Variants in ATP1A3 observed in about 807,000 individuals in gnomAD.
The protein encoded by ATP1A3 is sodium/potassium-transporting ATPase subunit alpha-3.
Under a neutral mutation model 108.8 loss-of-function variants are expected in ATP1A3, and 12 were observed. That is an observed-to-expected ratio of 0.11 (90% CI 0.07 to 0.18). ATP1A3 has a LOEUF of 0.18. Ranked by LOEUF, ATP1A3 falls within the 10% of genes least tolerant of loss-of-function variation. The pLI is 1.00. For missense variants in ATP1A3, 498 were observed against 1,387.7 expected, an observed-to-expected ratio of 0.36 and a Z score of 10.19; for synonymous variants, 539 against 564.5, an observed-to-expected ratio of 0.95 and a Z score of 0.64.
intron 1 of ATP1A3, chr19:41,993,210 G>A: frequency 3.3e-6 from 1 of 305,708 alleles, no homozygotes; most frequent in Non-Finnish European, 6.7e-6. Context: ...AGACACACAG[G>A]GAGGAATCCA....
chr19:41,985,291 C>A lies in ATP1A3; in HGVS notation c.724+15G>T. ...TGTCTGCCCCAGCTGTGTGTCTTCT[C>A]TGCACCCGCCTCACCTTCCACACAG... On this transcript the variant is annotated intron_variant, in intron 7 of 22. Transcript: ENST00000648268. The surrounding 1 kb of genome is among the most constrained non-coding windows in gnomAD (Gnocchi z 8.2). 2 of 1,614,054 alleles carry A rather than the reference C, an allele frequency of 1.2e-6. No homozygotes were observed. The highest frequency in any genetic ancestry group is 1.1e-5 in the South Asian group (1 of 91,082).
chr19:41,990,650 C>T (rs2075328693), intron 1 of ATP1A3, among the ~76,000 whole-genome samples: 1 of 134,330 alleles, frequency 7.4e-6, no homozygotes, highest in African/African-American at 2.9e-5. Context: ...CTCAATCTCT[C>T]TCTCTCTTTC....
rs1447166933 is a variant in ATP1A3, at chr19:41,967,874, CACAGAG to C, written c.2820-117_2820-112del. 1.6e-5 allele frequency: 14 copies of C among 898,330 alleles called. No individual in the cohort carries two copies. Among genetic ancestry groups the C allele is most frequent in the Middle Eastern group, 2.2e-4 (1 of 4,604 alleles). The allele number at this position is 898,330 out of a possible 1,614,324, so 55.6% of individuals were successfully genotyped here. Reference sequence around the variant, plus strand: ...AGACACCCAGAGACAGCAGCACAGACACAGAGACAGAGAGGCAGAGACATAGGGAGA... The same window carrying C: ...AGACACCCAGAGACAGCAGCACAGACACAGAGAGGCAGAGACATAGGGAGA... On this transcript the variant is annotated intron_variant, in intron 20 of 22. Coordinates refer to ENST00000648268, the MANE Select transcript of ATP1A3 (RefSeq NM_152296.5). The surrounding 1 kb of genome is among the most constrained non-coding windows in gnomAD (Gnocchi z 4.2).
intron 1 of ATP1A3, chr19:41,993,162 C>T: frequency 3.2e-6 from 1 of 313,246 alleles, no homozygotes; most frequent in South Asian, 4.0e-5. Context: ...CCACCCACCC[C>T]CTCCTCTCCT....
chr19:41,982,175 A>G, intron 8 of ATP1A3, 69 bp from the exon 9 acceptor site: 1 of 1,611,796 alleles, frequency 6.2e-7, no homozygotes. Flanking sequence ...GAGCGACACG[A>G]GGGCCACAGC....
Position 41,966,687 on chromosome 19 carries a change from G to A in ATP1A3, c.*250C>T, listed in dbSNP as rs782747281. ...AGAGCCCAGGGAGGTGGCTGGGGCG[G>A]GAGGAATGGATAGAGGGGTGAGGAG... On this transcript the variant is annotated 3_prime_UTR_variant, in exon 23 of 23. Coordinates refer to ENST00000648268, the MANE Select transcript of ATP1A3 (RefSeq NM_152296.5). The A allele has an allele frequency of 1.2e-5, 18 of 1,535,966 alleles. No individual in the cohort carries two copies. In the African/African-American group the frequency reaches 1.8e-4, roughly 15 times the overall value.
chr19:41,986,318 T>G, intron 4 of ATP1A3, 89 bp from the exon 5 acceptor site: 1 of 1,290,594 alleles, frequency 7.7e-7, no homozygotes, highest in Admixed American at 1.9e-5. Flanking sequence ...AAGGGAGCTT[T>G]GTGTCAGTGG....
Position 41,988,208 on chromosome 19 carries a change from C to T in ATP1A3, c.154-69G>A. The T allele has an allele frequency of 1.2e-6, 2 of 1,612,528 alleles. No homozygotes were observed. The highest frequency in any genetic ancestry group is 1.1e-5 in the South Asian group (1 of 91,056). On this transcript the variant is annotated intron_variant, in intron 3 of 22. Coordinates refer to ENST00000648268, the MANE Select transcript of ATP1A3 (RefSeq NM_152296.5). This position sits in a 1 kb window ranked among gnomAD's most constrained non-coding sequence, Gnocchi z 5.3. ...TGGCACCCCAGGCCTTCACCAGACCCCCAGAACTTAAGACACCAGCCACAG... is the reference window on the plus strand; with the variant it reads ...TGGCACCCCAGGCCTTCACCAGACCTCCAGAACTTAAGACACCAGCCACAG...
chr19:41,976,940 G>A (rs1418057158), intron 14 of ATP1A3, among the ~76,000 whole-genome samples: 6 of 151,826 alleles, frequency 4.0e-5, no homozygotes, highest in African/African-American at 1.5e-4. Flanking sequence ...TAGTAGATAG[G>A]ATTACAGGTG....
intron 4 of ATP1A3, 146 bp downstream of exon 4, chr19:41,987,790 G>A: frequency 1.8e-6 from 2 of 1,112,414 alleles, no homozygotes; most frequent in Non-Finnish European, 2.6e-6. Context: ...TATTTGATCT[G>A]GTTCTCTTGC....
chr19:41,978,244 G>C lies in ATP1A3; in HGVS notation c.1713C>G (p.Asp571Glu). ...FDCDDVNFTTDNLCFVGLMSM... is the reference protein window; with the variant it reads ...FDCDDVNFTTENLCFVGLMSM... Reference sequence around the variant, plus strand: ...ACATGAGGCCCACAAAGCAGAGGTTGTCCGTGGTGAAGTTCACGTCATCAC... The same window carrying C: ...ACATGAGGCCCACAAAGCAGAGGTTCTCCGTGGTGAAGTTCACGTCATCAC... Residue 571 changes from aspartate to glutamate, a missense_variant, in exon 13 of 23, where the codon GAC (aspartate) becomes GAG (glutamate). Asp to Glu is a conservative substitution (Grantham distance 45). Around this residue, in one of 9 missense-constraint regions of ATP1A3, gnomAD observed 92 missense variants for 168.7 expected, o/e 0.55. Coordinates refer to ENST00000648268, the MANE Select transcript of ATP1A3 (RefSeq NM_152296.5). This position sits in a 1 kb window ranked among gnomAD's most constrained non-coding sequence, Gnocchi z 8.3. 1.2e-6 allele frequency: 2 copies of C among 1,614,088 alleles called. No homozygotes were observed. The highest frequency in any genetic ancestry group is 2.2e-5 in the South Asian group (2 of 91,078).
intron 16 of ATP1A3, among the ~76,000 whole-genome samples, chr19:41,972,891 G>T (rs2075128390): frequency 6.8e-6 from 1 of 148,100 alleles, no homozygotes. Flanking sequence ...GGCAGGGACG[G>T]AGGGAGGGAG....
At position 41,967,050 on chromosome 19, in the gene ATP1A3, CAGAGAGGGAG is replaced by C; in HGVS notation, c.3014-95_3014-86del. On this transcript the variant is annotated intron_variant, in intron 22 of 22. Coordinates refer to ENST00000648268, the MANE Select transcript of ATP1A3 (RefSeq NM_152296.5). The surrounding 1 kb of genome is among the most constrained non-coding windows in gnomAD (Gnocchi z 4.2). ...GCGAGCCGCCCAGCAGAGAGAGGGA[CAGAGAGGGAG>C]AGAGACAAGGAAACCACACAGACAG... 6.4e-7 allele frequency: 1 copy of C among 1,551,178 alleles called. No individual in the cohort carries two copies. Among genetic ancestry groups the C allele is most frequent in the Non-Finnish European group, 8.7e-7 (1 of 1,146,878 alleles).
rs1172518925 is a variant in ATP1A3 at position 41,967,265 on chromosome 19, C to A, written c.2997G>T (p.Leu999=). 1.9e-6 allele frequency: 3 copies of A among 1,613,882 alleles called. No individual in the cohort carries two copies. In the Admixed American group the frequency reaches 5.0e-5, roughly 27 times the overall value. The change falls in exon 22 of 23, where the codon CTG becomes CTT. Residue 999 remains leucine (L), a synonymous_variant. Coordinates refer to ENST00000648268, the MANE Select transcript of ATP1A3 (RefSeq NM_152296.5). This position sits in a 1 kb window ranked among gnomAD's most constrained non-coding sequence, Gnocchi z 4.2. ...CTCCCTCACCCCCTGGGTTCCTGCGCAGGATGAGTTTGCGGATTTCGTCGT... is the reference window on the plus strand; with the variant it reads ...CTCCCTCACCCCCTGGGTTCCTGCGAAGGATGAGTTTGCGGATTTCGTCGT... ...FVYDEIRKLI[L]RRNPGGWVEK... is the part of the protein sequence containing the mutation.
chr19:41,981,540 C>T lies in ATP1A3; in HGVS notation c.1399G>A (p.Val467Met). The T allele has an allele frequency of 6.2e-7, 1 of 1,614,208 alleles. No homozygotes were observed. Among genetic ancestry groups the T allele is most frequent in the Non-Finnish European group, 8.5e-7 (1 of 1,180,038 alleles). The change falls in exon 11 of 23, where the codon GTG (valine) becomes ATG (methionine). Residue 467 changes from valine to methionine, a missense_variant. Coordinates refer to ENST00000648268, the MANE Select transcript of ATP1A3 (RefSeq NM_152296.5). This position sits in a 1 kb window ranked among gnomAD's most constrained non-coding sequence, Gnocchi z 5.0. ...VKLMRERNKK[V>M]AEIPFNSTNK... Reference sequence around the variant, plus strand: ...GTGGAATTGAAGGGAATCTCAGCCACTTTCTTGTTGCGTTCACGCATCAGC... The same window carrying T: ...GTGGAATTGAAGGGAATCTCAGCCATTTTCTTGTTGCGTTCACGCATCAGC...
intron 11 of ATP1A3, among the ~76,000 whole-genome samples, chr19:41,979,033 C>T (rs555630925): frequency 7.3e-5 from 11 of 151,246 alleles, no homozygotes; most frequent in South Asian, 2.1e-4. Flanking sequence ...GACAGAGTCT[C>T]GCTCTGTTGC....
intron 8 of ATP1A3, chr19:41,984,663 G>A (rs573543004): frequency 2.1e-6 from 1 of 473,672 alleles, no homozygotes; most frequent in South Asian, 3.7e-5. Context: ...TTCTTTGATT[G>A]TTTGCTTTGT....
chr19:41,986,337 AT>A (rs2075286363), intron 4 of ATP1A3, 108 bp from the exon 5 acceptor site: 1 of 1,057,586 alleles, frequency 9.5e-7, no homozygotes, highest in Non-Finnish European at 1.4e-6. Flanking sequence ...GGGGGTCTGT[AT>A]TTGTGTGTCT....
At position 41,994,179 on chromosome 19, in the gene ATP1A3, G is replaced by A; in HGVS notation, c.-103C>T. ...GGAGCCTCTGCAGCGCCCGCGCCTCGGTAGGTGCGCGCGTCCGTCCGTCCG... is the reference window on the plus strand; with the variant it reads ...GGAGCCTCTGCAGCGCCCGCGCCTCAGTAGGTGCGCGCGTCCGTCCGTCCG... On this transcript the variant is annotated 5_prime_UTR_variant, in exon 1 of 23. Coordinates refer to ENST00000648268, the MANE Select transcript of ATP1A3 (RefSeq NM_152296.5). The A allele has an allele frequency of 6.1e-6, 7 of 1,155,526 alleles. No homozygotes were observed. The highest frequency in any genetic ancestry group is 8.1e-6 in the Non-Finnish European group (7 of 859,934). The allele number at this position is 1,155,526 out of a possible 1,614,324, so 71.6% of individuals were successfully genotyped here. A position where few individuals can be genotyped will look rare whatever the true frequency, so the allele number is the denominator to read the frequency against.
Sources: allele counts gnomAD v4.1 joint callset (sites outside exome capture counted in the v4.1 genomes callset), GRCh38; gene constraint gnomAD v4.1.1; regional missense constraint gnomAD v4.1.1; non-coding constraint Gnocchi (gnomAD v3.1); transcripts MANE v1.5; gene names NCBI Gene and HGNC (gene_info 2026-07-23, HGNC 2026-07-21).